LIMK2: variants seen among roughly 807,000 people sequenced by gnomAD.
The protein encoded by LIMK2 is LIM domain kinase 2.
A neutral mutation model predicts 75.7 loss-of-function variants in LIMK2; 35 were observed. The observed-to-expected ratio is 0.46, with a 90% CI of 0.35 to 0.61. LIMK2 has a LOEUF of 0.61. Ranked by LOEUF, LIMK2 falls within the 20% of genes least tolerant of loss-of-function variation. The probability of loss-of-function intolerance (pLI) is 0.00; values close to 1 mark genes in which losing one functional copy is unlikely to be tolerated. For missense variants in LIMK2, 623 were observed against 831.0 expected (o/e 0.75, Z 3.08); for synonymous variants, 301 against 319.2 (o/e 0.94, Z 0.61).
chr22:31,269,635 G>A (rs567494078), intron 11 of LIMK2, among the ~76,000 whole-genome samples: 13 of 152,006 alleles, frequency 8.6e-5, no homozygotes, highest in Admixed American at 4.6e-4. Context: ...TTAGCTGGGC[G>A]TGGTGGTGCA....
intron 2 of LIMK2, among the ~76,000 whole-genome samples, chr22:31,237,761 C>T (rs920178874): frequency 6.6e-6 from 1 of 151,858 alleles, no homozygotes; most frequent in African/African-American, 2.4e-5. Flanking sequence ...TGGTGATTGT[C>T]GCACATATCT....
intron 2 of LIMK2, among the ~76,000 whole-genome samples, chr22:31,233,063 C>T (rs1816073690): frequency 1.3e-5 from 2 of 152,212 alleles, no homozygotes; most frequent in African/African-American, 4.8e-5. Flanking sequence ...GACCACTCTT[C>T]AGGCTTCATC....
intron 2 of LIMK2, among the ~76,000 whole-genome samples, chr22:31,233,632 G>A (rs2048546610): frequency 6.6e-6 from 1 of 152,098 alleles, no homozygotes; most frequent in African/African-American, 2.4e-5. Flanking sequence ...CTATCAACCT[G>A]GCTTGTCCAT....
chr22:31,261,539 C>G (rs2048839169), intron 5 of LIMK2, among the ~76,000 whole-genome samples: 1 of 128,306 alleles, frequency 7.8e-6, no homozygotes, highest in Non-Finnish European at 1.7e-5. Context: ...GAGCGAGACT[C>G]CATCTCAAAA....
rs113915411 is a variant in LIMK2 at position 31,215,433 on chromosome 22, T to A, written c.16+3009T>A. The stretch of plus-strand genomic sequence containing the variant: ...TACCTCTTATAAATTTTAACAGGTG[T>A]TAGAGCCAGGAGAGAGTTTTGAGAT... On this transcript the variant is annotated intron_variant, in intron 1 of 15. Transcript: ENST00000331728. 4.0e-3 allele frequency among the ~76,000 whole-genome samples: 605 copies of A among 152,336 alleles called. 1 individual carries two copies. The highest frequency in any genetic ancestry group is 0.013 in the African/African-American group (560 of 41,574).
chr22:31,230,839 T>G (rs923959598), intron 2 of LIMK2, among the ~76,000 whole-genome samples: 1 of 152,178 alleles, frequency 6.6e-6, no homozygotes, highest in African/African-American at 2.4e-5. Context: ...AAAGCCACAT[T>G]CATTTTCTCT....
At chr22:31,218,342 G>A (rs965623849) in intron 1 of LIMK2, among the ~76,000 whole-genome samples, 1 of 152,122 alleles carries the variant, frequency 6.6e-6, no homozygotes, top group African/African-American at 2.4e-5. Flanking sequence ...AACCAAAGAA[G>A]GGAAGAAGAG....
chr22:31,277,433 A>T (rs1601452101), intron 15 of LIMK2: 1 of 1,140,954 alleles, frequency 8.8e-7, no homozygotes, highest in Non-Finnish European at 1.1e-6. Context: ...AAAAAAAAAA[A>T]TGATTTCCAG....
At chr22:31,223,259 T>C (rs575070760) in intron 1 of LIMK2, among the ~76,000 whole-genome samples, 1 of 152,188 alleles carries the variant, frequency 6.6e-6, no homozygotes, top group Non-Finnish European at 1.5e-5. Flanking sequence ...TATGTGTTGA[T>C]TGAATGTCTT....
At chr22:31,245,416 C>A (rs547789767) in intron 2 of LIMK2, among the ~76,000 whole-genome samples, 1 of 152,190 alleles carries the variant, frequency 6.6e-6, no homozygotes, top group Non-Finnish European at 1.5e-5. Flanking sequence ...ATTCTCCTGT[C>A]TCAGCCTCTC....
At chr22:31,222,317 C>T (rs1158505520) in intron 1 of LIMK2, among the ~76,000 whole-genome samples, 1 of 150,962 alleles carries the variant, frequency 6.6e-6, no homozygotes, top group African/African-American at 2.4e-5. Context: ...GTGATCCACC[C>T]GCCTCAGCCT....
In LIMK2 at chr22:31,232,220, A is replaced by T. The variant is rs569999596; in HGVS notation, c.116+6401A>T. Among the ~76,000 whole-genome samples the T allele has an allele frequency of 1.6e-4, 24 of 151,192 alleles. No individual in the cohort carries two copies. The South Asian group carries it at 4.9e-3, about 31-fold the overall frequency. The stretch of plus-strand genomic sequence containing the variant: ...TTGAACTCAGGTCTCCCTGGCTCCC[A>T]AGAGAGTCTGCTTTCCACTAGGACT... On this transcript the variant is annotated intron_variant, in intron 2 of 15. Transcript: ENST00000331728.
At chr22:31,274,224 C>T (rs377694304) in intron 14 of LIMK2, among the ~76,000 whole-genome samples, 4 of 152,062 alleles carry the variant, frequency 2.6e-5, no homozygotes, top group African/African-American at 7.2e-5. Context: ...CCAGGTACCA[C>T]GTGGACAGAG....
intron 1 of LIMK2, among the ~76,000 whole-genome samples, chr22:31,212,651 G>A (rs1416020537): frequency 6.6e-6 from 1 of 152,122 alleles, no homozygotes; most frequent in East Asian, 1.9e-4. Flanking sequence ...AGAGGGCTCC[G>A]AGGGGCAGGC....
chr22:31,222,066 CT>C (rs1369529944), intron 1 of LIMK2, among the ~76,000 whole-genome samples: 1 of 151,802 alleles, frequency 6.6e-6, no homozygotes, highest in Admixed American at 6.6e-5. Context: ...GTGTAGACAA[CT>C]TTTTTTCTTT....
intron 15 of LIMK2, chr22:31,277,454 TA>T (rs2049042925): frequency 9.7e-6 from 11 of 1,134,148 alleles, no homozygotes; most frequent in Non-Finnish European, 1.2e-5. Flanking sequence ...CGGTCCACAT[TA>T]GAGTTGAAAT....
intron 1 of LIMK2, among the ~76,000 whole-genome samples, chr22:31,225,215 A>G (rs886268113): frequency 3.3e-5 from 5 of 152,144 alleles, no homozygotes; most frequent in Admixed American, 1.3e-4. Flanking sequence ...AATTTATTCA[A>G]TGTTGGTTGA....
intron 8 of LIMK2, among the ~76,000 whole-genome samples, chr22:31,266,731 G>A (rs2048899714): frequency 6.6e-6 from 1 of 152,158 alleles, no homozygotes; most frequent in Non-Finnish European, 1.5e-5. Context: ...ATCCCCTCCT[G>A]CCTTCTTCCC....
At chr22:31,234,738 A>AG (rs2048558116) in intron 2 of LIMK2, among the ~76,000 whole-genome samples, 1 of 151,470 alleles carries the variant, frequency 6.6e-6, no homozygotes, top group African/African-American at 2.4e-5. Context: ...AAAAAAAAAA[A>AG]AAAATTCCTT....
Sources: gnomAD v4.1 joint callset for allele counts (sites outside exome capture counted in the v4.1 genomes callset) on GRCh38, gnomAD v4.1.1 for gene constraint, MANE v1.5 for transcripts, NCBI Gene and HGNC (gene_info 2026-07-23, HGNC 2026-07-21) for gene names.